The following LRP11 variants were observed in gnomAD, a reference collection of about 807,000 sequenced individuals.
LRP11 encodes the protein LDL receptor related protein 11.
In LRP11, 25 loss-of-function variants were observed where a neutral mutation model predicts 43.1. The observed-to-expected ratio is 0.58, with a 90% confidence interval of 0.42 to 0.81. LRP11 has a LOEUF of 0.81. Among genes scored for constraint, LRP11 ranks in the 30% least tolerant of loss-of-function variants. LRP11 has a pLI of 0.00. For synonymous variants in LRP11, 316 were observed against 299.4 expected, an observed-to-expected ratio of 1.06 and a Z score of -0.57; for missense variants, 623 against 665.1, an observed-to-expected ratio of 0.94 and a Z score of 0.70.
Position 149,853,180 on chromosome 6 carries a change from A to T in LRP11, c.614-20T>A. ...CCTTTTCTGAGAAAGAAAATAAATA[A>T]TTCATAAAAGATGATTTCTTATTTT... On this transcript the variant is annotated intron_variant, in intron 1 of 6. Transcript: ENST00000239367. 6.5e-7 allele frequency: 1 copy of T among 1,536,570 alleles called. No individual in the cohort carries two copies. The highest frequency in any genetic ancestry group is 8.8e-7 in the Non-Finnish European group (1 of 1,141,490).
intron 5 of LRP11, among the ~76,000 whole-genome samples, chr6:149,834,578 C>T (rs1180982328): frequency 1.3e-5 from 2 of 152,190 alleles, no homozygotes; most frequent in Non-Finnish European, 2.9e-5. Context: ...GCAGTCCTGC[C>T]AAAGATGCCT....
chr6:149,829,023 G>C (rs1776374783), intron 5 of LRP11, among the ~76,000 whole-genome samples: 1 of 152,170 alleles, frequency 6.6e-6, no homozygotes, highest in South Asian at 2.1e-4. Context: ...ATGCAAAACA[G>C]TCCATCCAGC....
At chr6:149,862,420 T>A (rs756953412) in intron 1 of LRP11, among the ~76,000 whole-genome samples, 1 of 152,156 alleles carries the variant, frequency 6.6e-6, no homozygotes, top group Non-Finnish European at 1.5e-5. Context: ...GGTCTCTTAT[T>A]CCCTCCGTGA....
chr6:149,836,043 G>C, intron 5 of LRP11, 42 bp downstream of exon 5: 1 of 1,561,802 alleles, frequency 6.4e-7, no homozygotes, highest in African/African-American at 1.4e-5. Context: ...TTTGGCTACA[G>C]AAAACAAGGT....
chr6:149,836,072 C>T lies in LRP11; in HGVS notation c.1252+13G>A, dbSNP rs150872007. 1.4e-5 allele frequency: 22 copies of T among 1,610,312 alleles called. No homozygotes were observed. Among genetic ancestry groups the T allele is most frequent in the Admixed American group, 1.7e-5 (1 of 60,014 alleles). ...ACAAGGTTCTTCATTGAGAACCCACCGTGAATCCTTACCTGGCATCACAGG... is the reference window on the plus strand; with the variant it reads ...ACAAGGTTCTTCATTGAGAACCCACTGTGAATCCTTACCTGGCATCACAGG... On this transcript the variant is annotated intron_variant, in intron 5 of 6. Coordinates refer to ENST00000239367, the MANE Select transcript of LRP11 (RefSeq NM_032832.6).
At chr6:149,849,672 G>A (rs1776690362) in intron 2 of LRP11, among the ~76,000 whole-genome samples, 3 of 152,140 alleles carry the variant, frequency 2.0e-5, no homozygotes, top group Admixed American at 2.0e-4. Context: ...GCTTGAGGCT[G>A]CAGTGAGCTA....
intron 5 of LRP11, among the ~76,000 whole-genome samples, chr6:149,830,140 A>G (rs1776390740): frequency 6.6e-6 from 1 of 151,572 alleles, no homozygotes. Context: ...CCTCCCGAGA[A>G]GCTGGGATTG....
At chr6:149,861,300 C>T (rs918954591) in intron 1 of LRP11, among the ~76,000 whole-genome samples, 9 of 152,202 alleles carry the variant, frequency 5.9e-5, no homozygotes, top group Non-Finnish European at 1.0e-4. Flanking sequence ...TCTACAGGAA[C>T]CTGAGCCGCA....
intron 5 of LRP11, among the ~76,000 whole-genome samples, chr6:149,826,605 G>A (rs1282887602): frequency 5.0e-5 from 2 of 40,074 alleles, no homozygotes; most frequent in Non-Finnish European, 7.2e-5. Flanking sequence ...ACCCTGCACC[G>A]AACTACCACC....
intron 2 of LRP11, among the ~76,000 whole-genome samples, chr6:149,851,453 TGTGG>T (rs1480236594): frequency 2.6e-5 from 4 of 152,190 alleles, no homozygotes; most frequent in Non-Finnish European, 5.9e-5. Flanking sequence ...TCTGACAAAC[TGTGG>T]GGTGCTGAGT....
chr6:149,851,806 A>G (rs1451076491), intron 2 of LRP11, among the ~76,000 whole-genome samples: 1 of 152,154 alleles, frequency 6.6e-6, no homozygotes, highest in East Asian at 1.9e-4. Context: ...CACTGCTACA[A>G]AGAACTGCCC....
At chr6:149,856,148 A>G (rs188298031) in intron 1 of LRP11, among the ~76,000 whole-genome samples, 32 of 152,378 alleles carry the variant, frequency 2.1e-4, no homozygotes, top group Non-Finnish European at 3.8e-4. Context: ...ACAAATGAAA[A>G]TATGTCTATG....
intron 6 of LRP11, among the ~76,000 whole-genome samples, chr6:149,824,004 G>A (rs1161836770): frequency 6.6e-6 from 1 of 152,156 alleles, no homozygotes; most frequent in Non-Finnish European, 1.5e-5. Context: ...ACAAGGCTAA[G>A]TGGCCCCAAG....
intron 2 of LRP11, among the ~76,000 whole-genome samples, chr6:149,852,046 T>G (rs1408075519): frequency 6.6e-6 from 1 of 152,146 alleles, no homozygotes; most frequent in Admixed American, 6.5e-5. Context: ...CCTCCATAAT[T>G]CAGTAACCTC....
At position 149,836,279 on chromosome 6, in the gene LRP11, A is replaced by G; in HGVS notation, c.1058T>C (p.Met353Thr). Reference sequence around the variant, plus strand: ...AGGACTAGCTGCCGTGTGGGTTACCATCTTGCGGTCCAGGCCCACTGAAGT... The same window carrying G: ...AGGACTAGCTGCCGTGTGGGTTACCGTCTTGCGGTCCAGGCCCACTGAAGT... ...FCQNLGLDRK[M>T]VTHTAASPAL... Residue 353 changes from methionine (M) to threonine (T), a missense_variant, in exon 5 of 7, where the codon ATG becomes ACG. By Grantham distance (81) the Met-to-Thr change is moderately conservative (BLOSUM62 -1). Coordinates refer to ENST00000239367, the MANE Select transcript of LRP11 (RefSeq NM_032832.6). The G allele has an allele frequency of 6.2e-7, 1 of 1,614,112 alleles. No individual in the cohort carries two copies. The highest frequency in any genetic ancestry group is 2.2e-5 in the East Asian group (1 of 44,866).
chr6:149,846,735 T>A (rs2210683), intron 2 of LRP11, among the ~76,000 whole-genome samples: 7 of 151,726 alleles, frequency 4.6e-5, no homozygotes, highest in African/African-American at 1.7e-4. Flanking sequence ...GCCAGGAGTT[T>A]GAGACCAGCC....
chr6:149,853,156 C>G lies in LRP11; in HGVS notation c.618G>C (p.Lys206Asn), dbSNP rs1776748615. The G allele has an allele frequency of 1.3e-6, 2 of 1,559,694 alleles. No homozygotes were observed. The highest frequency in any genetic ancestry group is 2.4e-5 in the South Asian group (2 of 82,946). ...CAGCCTTGCTAAGTGGAGGCGCATCCTTTTCTGAGAAAGAAAATAAATAAT... is the reference window on the plus strand; with the variant it reads ...CAGCCTTGCTAAGTGGAGGCGCATCGTTTTCTGAGAAAGAAAATAAATAAT... Reference protein sequence around the residue: ...ATARASPRQEKDAPPLSKAGQ... With the variant: ...ATARASPRQENDAPPLSKAGQ... The change falls in exon 2 of 7, where the codon AAG becomes AAC. Residue 206 changes from lysine to asparagine, a missense_variant. Transcript: ENST00000239367.
intron 5 of LRP11, 149 bp from the exon 6 acceptor site, chr6:149,826,508 T>A (rs1776341185): frequency 1.7e-6 from 1 of 604,822 alleles, no homozygotes; most frequent in African/African-American, 1.9e-5. Flanking sequence ...TGTTTGATAG[T>A]TAAGCAGTAA....
At chr6:149,862,381 G>A (rs979960844) in intron 1 of LRP11, among the ~76,000 whole-genome samples, 3 of 152,086 alleles carry the variant, frequency 2.0e-5, no homozygotes, top group African/African-American at 4.8e-5. Flanking sequence ...TTAAACACAC[G>A]GAGCCTGACC....
Sources: gnomAD v4.1 joint callset for allele counts (sites outside exome capture counted in the v4.1 genomes callset) on GRCh38, gnomAD v4.1.1 for gene constraint, MANE v1.5 for transcripts, NCBI Gene and HGNC (gene_info 2026-07-23, HGNC 2026-07-21) for gene names.